NDC80: variants seen among roughly 807,000 people sequenced by gnomAD.
NDC80 encodes kinetochore protein NDC80 homolog.
Under a neutral mutation model 89.3 loss-of-function variants are expected in NDC80, and 69 were observed. That is an observed-to-expected ratio of 0.77 (90% CI 0.64 to 0.94). The LOEUF (loss-of-function observed/expected upper bound fraction) is 0.94. Among genes scored for constraint, NDC80 ranks in the 40% least tolerant of loss-of-function variants. The pLI is 0.00. For synonymous variants in NDC80, 243 were observed against 255.6 expected, an observed-to-expected ratio of 0.95 and a Z score of 0.47; for missense variants, 593 against 739.6, an observed-to-expected ratio of 0.80 and a Z score of 2.30.
intron 5 of NDC80, 70 bp downstream of exon 5, chr18:2,578,211 TAAAAAG>T: frequency 6.9e-7 from 1 of 1,450,988 alleles, no homozygotes; most frequent in Non-Finnish European, 9.4e-7. Context: ...AATCAATTTG[TAAAAAG>T]TTTGAGTTAC....
chr18:2,587,875 G>A lies in NDC80; in HGVS notation c.715G>A (p.Gly239Ser). ...TIKCYESFMS[G>S]ADSFDEMNAE... is the part of the protein sequence containing the mutation. ...AAAATGCTATGAGAGTTTTATGAGT[G>A]GTGCCGACAGCTTTGATGAGATGAA... The change falls in exon 8 of 17, where the codon GGT becomes AGT. Residue 239 changes from glycine to serine, a missense_variant. Transcript: ENST00000261597. 2 of 1,613,770 alleles carry A rather than the reference G, an allele frequency of 1.2e-6. No homozygotes were observed. The highest frequency in any genetic ancestry group is 1.7e-4 in the Middle Eastern group (1 of 6,060).
At chr18:2,601,158 G>GAA (rs2072682046) in intron 12 of NDC80, among the ~76,000 whole-genome samples, 1 of 152,178 alleles carries the variant, frequency 6.6e-6, no homozygotes, top group Non-Finnish European at 1.5e-5. Flanking sequence ...TTCCAGGATA[G>GAA]ATGAGCAAAT....
At chr18:2,615,628 G>C (rs1044368991) in intron 16 of NDC80, among the ~76,000 whole-genome samples, 4 of 152,152 alleles carry the variant, frequency 2.6e-5, no homozygotes, top group Admixed American at 6.5e-5. Context: ...TGGAATTAGG[G>C]CATGGACATC....
chr18:2,595,423 AT>A lies in NDC80; in HGVS notation c.1024del (p.Cys342ValfsTer4). ...NEEIARVELE[C>X]ETIKQENTRL... ...GGTTTTTTTCCAACACAGAACTAGA[AT>A]GTGAAACAATAAAACAGGAGAACAC... On this transcript the variant is annotated frameshift_variant, in exon 11 of 17. Transcript: ENST00000261597. LOFTEE classifies it high-confidence loss of function. 6.2e-7 allele frequency: 1 copy of A among 1,613,304 alleles called. No individual in the cohort carries two copies. Among genetic ancestry groups the A allele is most frequent in the African/African-American group, 1.3e-5 (1 of 75,010 alleles).
chr18:2,589,634 A>G (rs1197825571), intron 9 of NDC80, among the ~76,000 whole-genome samples: 1 of 152,230 alleles, frequency 6.6e-6, no homozygotes, highest in Non-Finnish European at 1.5e-5. Flanking sequence ...AGAAGCCCTG[A>G]GTTTTGGAGG....
intron 6 of NDC80, among the ~76,000 whole-genome samples, chr18:2,581,030 A>T: frequency 6.6e-6 from 1 of 151,696 alleles, no homozygotes; most frequent in East Asian, 2.0e-4. Flanking sequence ...ATGAGCCACC[A>T]CGCCCGGCCC....
At chr18:2,598,207 T>C (rs1465077035) in intron 11 of NDC80, among the ~76,000 whole-genome samples, 1 of 152,218 alleles carries the variant, frequency 6.6e-6, no homozygotes, top group Non-Finnish European at 1.5e-5. Flanking sequence ...TTGATTTTTA[T>C]GGATGGGTAA....
intron 5 of NDC80, 145 bp downstream of exon 5, chr18:2,578,286 GA>G: frequency 8.3e-6 from 6 of 725,312 alleles, no homozygotes; most frequent in Admixed American, 6.4e-5. Context: ...AAATTGAAGA[GA>G]AAAAAAGCAA....
At position 2,573,202 on chromosome 18, in the gene NDC80, G is replaced by A. The variant is rs184471089; in HGVS notation, c.101+116G>A. The A allele has an allele frequency of 9.3e-4, 701 of 750,440 alleles. 5 individuals are homozygous for A. In the African/African-American group the frequency reaches 0.011, roughly 12 times the overall value. 46.5% of individuals were successfully genotyped at this position (750,440 alleles called of 1,614,324 possible). A position where few individuals can be genotyped will look rare whatever the true frequency, so the allele number is the denominator to read the frequency against. On this transcript the variant is annotated intron_variant, in intron 2 of 16. Transcript: ENST00000261597. Reference sequence around the variant, plus strand: ...AGTGATGTCTTGGTGAATCTTGTCTGTTCCCAGGGGTACCTAATTTTGGAT... The same window carrying A: ...AGTGATGTCTTGGTGAATCTTGTCTATTCCCAGGGGTACCTAATTTTGGAT...
Position 2,603,356 on chromosome 18 carries a change from C to CATATATATATAT in NDC80, c.1464+1883_1464+1894dup, listed in dbSNP as rs60997707. Among the ~76,000 whole-genome samples, 627 of 120,758 alleles carry CATATATATATAT rather than the reference C, an allele frequency of 5.2e-3. 14 individuals are homozygous for CATATATATATAT. The highest frequency in any genetic ancestry group is 0.02 in the East Asian group (89 of 4,384). 79.2% of individuals were successfully genotyped at this position (120,758 alleles called of 152,430 possible). A position where few individuals can be genotyped will look rare whatever the true frequency, so the allele number is the denominator to read the frequency against. ...AACAACAGAAGAGAATATGTTTATA[C>CATATATATATAT]ATATATATATATATATATATATACA... On this transcript the variant is annotated intron_variant, in intron 13 of 16. Coordinates refer to ENST00000261597, the MANE Select transcript of NDC80 (RefSeq NM_006101.3).
intron 15 of NDC80, among the ~76,000 whole-genome samples, chr18:2,609,090 C>G (rs1339412659): frequency 1.3e-5 from 2 of 151,650 alleles, no homozygotes; most frequent in African/African-American, 4.9e-5. Flanking sequence ...GGCTTTTAAT[C>G]CCTGAAAACA....
intron 10 of NDC80, 96 bp downstream of exon 10, chr18:2,590,258 G>A (rs1488585748): frequency 1.5e-6 from 2 of 1,292,214 alleles, no homozygotes; most frequent in Non-Finnish European, 2.1e-6. Flanking sequence ...TTGTTGTTCT[G>A]TGGTACATGC....
At chr18:2,602,816 G>C (rs56769116) in intron 13 of NDC80, among the ~76,000 whole-genome samples, 40 of 152,202 alleles carry the variant, frequency 2.6e-4, no homozygotes, top group African/African-American at 9.1e-4. Flanking sequence ...AACCCTTTGG[G>C]CTACAGGAAA....
At chr18:2,607,965 GTATATATATATATATATATATATA>G (rs3033372) in intron 14 of NDC80, among the ~76,000 whole-genome samples, 2 of 68,142 alleles carry the variant, frequency 2.9e-5, no homozygotes. Flanking sequence ...TATATACATA[GTATATATATATATATATATATATA>G]TATATATATA....
chr18:2,581,692 C>T (rs1567997700), intron 6 of NDC80, among the ~76,000 whole-genome samples: 1 of 152,182 alleles, frequency 6.6e-6, no homozygotes, highest in African/African-American at 2.4e-5. Flanking sequence ...CAGTTTTGAA[C>T]TGTCACTAGT....
rs1343531969 is a variant in NDC80 at position 2,603,191 on chromosome 18, T to C, written c.1464+1706T>C. Among the ~76,000 whole-genome samples, 3 of 151,888 alleles carry C rather than the reference T, an allele frequency of 2.0e-5. No homozygotes were observed. The East Asian group carries it at 5.8e-4, about 29-fold the overall frequency. On this transcript the variant is annotated intron_variant, in intron 13 of 16. Transcript: ENST00000261597. ...ATGGTCATTAGAGCATATGTAATAG[T>C]TGAAGCCATATATGTGGATGAATGT...
At chr18:2,609,095 A>G (rs987988327) in intron 15 of NDC80, among the ~76,000 whole-genome samples, 1 of 152,138 alleles carries the variant, frequency 6.6e-6, no homozygotes, top group African/African-American at 2.4e-5. Context: ...TTAATCCCTG[A>G]AAACAACATA....
intron 13 of NDC80, among the ~76,000 whole-genome samples, chr18:2,602,077 A>G (rs764308983): frequency 5.9e-5 from 9 of 152,188 alleles, no homozygotes; most frequent in Non-Finnish European, 1.3e-4. Context: ...TCTCAAATGC[A>G]CACACAAAGG....
chr18:2,602,326 T>C (rs1359425942), intron 13 of NDC80, among the ~76,000 whole-genome samples: 1 of 152,166 alleles, frequency 6.6e-6, no homozygotes, highest in Non-Finnish European at 1.5e-5. Context: ...CTATCAAGAC[T>C]TACTTTGTAT....
Sources: allele counts gnomAD v4.1 joint callset (sites outside exome capture counted in the v4.1 genomes callset), GRCh38; gene constraint gnomAD v4.1.1; transcripts MANE v1.5; gene names NCBI Gene and HGNC (gene_info 2026-07-23, HGNC 2026-07-21).